The following GPR149 variants were observed in gnomAD, a reference collection of about 807,000 sequenced individuals.
GPR149 encodes the protein G protein-coupled receptor 149, also known as probable G protein-coupled receptor 149.
Under a neutral mutation model 50.2 loss-of-function variants are expected in GPR149, and 50 were observed. The observed-to-expected ratio is 1.00, with a 90% confidence interval of 0.79 to 1.26. The LOEUF (loss-of-function observed/expected upper bound fraction) is 1.26, where lower values mean the gene tolerates loss of function less well. Among genes scored for constraint, GPR149 ranks in the 50% most tolerant of loss-of-function variants. GPR149 has a pLI of 0.00. For missense variants in GPR149, 983 were observed against 895.4 expected (o/e 1.10, Z -1.25); for synonymous variants, 405 against 358.2 (o/e 1.13, Z -1.48).
intron 3 of GPR149, chr3:154,353,534 A>G (rs1400577810): frequency 7.6e-6 from 7 of 924,244 alleles, no homozygotes; most frequent in East Asian, 4.8e-5. Context: ...TGATATGACC[A>G]GGGGTTCCAA....
At chr3:154,396,615 A>T (rs1715299576) in intron 3 of GPR149, among the ~76,000 whole-genome samples, 1 of 152,032 alleles carries the variant, frequency 6.6e-6, no homozygotes, top group Non-Finnish European at 1.5e-5. Context: ...TCTAAATGTA[A>T]ACAAAATATG....
At chr3:154,402,935 T>C (rs1559986060) in intron 3 of GPR149, among the ~76,000 whole-genome samples, 1 of 142,502 alleles carries the variant, frequency 7.0e-6, no homozygotes, top group Non-Finnish European at 1.6e-5. Flanking sequence ...TTAAAGCATT[T>C]TGTAATTTCC....
intron 3 of GPR149, among the ~76,000 whole-genome samples, chr3:154,341,340 T>TAA (rs58741668): frequency 1.9e-5 from 2 of 106,040 alleles, no homozygotes; most frequent in African/African-American, 7.2e-5. Flanking sequence ...TATATATATA[T>TAA]AAAATGAGTA....
chr3:154,413,221 C>T (rs1014939685), intron 3 of GPR149, among the ~76,000 whole-genome samples: 1 of 151,990 alleles, frequency 6.6e-6, no homozygotes, highest in Non-Finnish European at 1.5e-5. Flanking sequence ...ATTGGCAAAA[C>T]CCTTCTAGAC....
At chr3:154,394,654 T>C (rs1179759196) in intron 3 of GPR149, among the ~76,000 whole-genome samples, 1 of 152,018 alleles carries the variant, frequency 6.6e-6, no homozygotes, top group Non-Finnish European at 1.5e-5. Context: ...AGATAAGAGG[T>C]TAATATCAGA....
chr3:154,401,883 C>T (rs951327492), intron 3 of GPR149, among the ~76,000 whole-genome samples: 1 of 152,072 alleles, frequency 6.6e-6, no homozygotes, highest in Admixed American at 6.6e-5. Context: ...TGCAAAAATA[C>T]TAAAGCAACA....
intron 3 of GPR149, among the ~76,000 whole-genome samples, chr3:154,385,327 C>A (rs1407964787): frequency 6.6e-6 from 1 of 152,108 alleles, no homozygotes; most frequent in Non-Finnish European, 1.5e-5. Context: ...TTTTTTGTAC[C>A]GGTTGTGAAC....
At chr3:154,400,184 C>T (rs1392667463) in intron 3 of GPR149, among the ~76,000 whole-genome samples, 1 of 151,976 alleles carries the variant, frequency 6.6e-6, no homozygotes, top group Non-Finnish European at 1.5e-5. Context: ...GACGGGGTTT[C>T]ACCGTGTTAG....
At position 154,430,122 on chromosome 3, in the gene GPR149, G is replaced by GGA. The variant is rs1176906149; in HGVS notation, c.-509_-508dup. On this transcript the variant is annotated 5_prime_UTR_variant, in exon 1 of 4. Coordinates refer to ENST00000389740, the MANE Select transcript of GPR149 (RefSeq NM_001038705.3). Reference sequence around the variant, plus strand: ...TCAGGTAGGTTTCAGCTTTGAAGGTGGAGAGAGAGAGAGAGACAGAGAGAG... The same window carrying GGA: ...TCAGGTAGGTTTCAGCTTTGAAGGTGGAGAGAGAGAGAGAGAGACAGAGAGAG... Among the ~76,000 whole-genome samples the GGA allele has an allele frequency of 1.0e-4, 15 of 144,858 alleles. No individual in the cohort carries two copies. The highest frequency in any genetic ancestry group is 2.2e-4 in the South Asian group (1 of 4,574).
chr3:154,339,982 C>T (rs6773993), intron 3 of GPR149, among the ~76,000 whole-genome samples: 35,159 of 151,310 alleles, frequency 0.23, 4,506 homozygotes, highest in South Asian at 0.33. Context: ...TTATTAGAGA[C>T]GGGGTTTCAC....
intron 3 of GPR149, among the ~76,000 whole-genome samples, chr3:154,375,010 C>A (rs1343821829): frequency 6.6e-6 from 1 of 152,122 alleles, no homozygotes; most frequent in African/African-American, 2.4e-5. Context: ...GAGGTTTGTT[C>A]CTGAAAATTC....
chr3:154,345,664 C>T (rs558499331), intron 3 of GPR149, among the ~76,000 whole-genome samples: 2 of 152,280 alleles, frequency 1.3e-5, no homozygotes, highest in East Asian at 1.9e-4. Context: ...TGACCTTCGG[C>T]ACATTGAATG....
In GPR149 at chr3:154,352,764, A is replaced by G. The variant is rs1714112117; in HGVS notation, c.1624-14493T>C. The stretch of plus-strand genomic sequence containing the variant: ...GAAACCTGATGGTATCCATGCTTTT[A>G]GATTTAACTAAATCCATTGTAGAAG... On this transcript the variant is annotated intron_variant, in intron 3 of 3. Coordinates refer to ENST00000389740, the MANE Select transcript of GPR149 (RefSeq NM_001038705.3). 9.0e-5 allele frequency: 72 copies of G among 798,316 alleles called. No individual in the cohort carries two copies. The South Asian group carries it at 9.2e-4, about 10-fold the overall frequency. The allele number at this position is 798,316 out of a possible 1,614,324, so 49.5% of individuals were successfully genotyped here. A position where few individuals can be genotyped will look rare whatever the true frequency, so the allele number is the denominator to read the frequency against.
intron 3 of GPR149, chr3:154,352,042 A>G: frequency 2.5e-6 from 1 of 398,678 alleles, no homozygotes; most frequent in Non-Finnish European, 4.4e-6. Flanking sequence ...TAGCAGACAC[A>G]TACCTCAACT....
chr3:154,426,979 C>A (rs1353283253), intron 2 of GPR149, among the ~76,000 whole-genome samples: 1 of 151,808 alleles, frequency 6.6e-6, no homozygotes, highest in Non-Finnish European at 1.5e-5. Context: ...TGATTCCTTA[C>A]TCTGAAAACT....
At chr3:154,347,832 C>T (rs779994053) in intron 3 of GPR149, among the ~76,000 whole-genome samples, 1 of 151,900 alleles carries the variant, frequency 6.6e-6, no homozygotes, top group Non-Finnish European at 1.5e-5. Flanking sequence ...TAAAATCATA[C>T]GTGGAAAGAA....
Position 154,392,754 on chromosome 3 carries a change from G to T in GPR149, c.1623+28285C>A, listed in dbSNP as rs192922564. On this transcript the variant is annotated intron_variant, in intron 3 of 3. Coordinates refer to ENST00000389740, the MANE Select transcript of GPR149 (RefSeq NM_001038705.3). ...AAATAAAACAGGAGACATTACAACT[G>T]ATGGAACCAAACTATTAATAAAAAG... is the stretch of plus-strand genomic sequence containing the variant. Among the ~76,000 whole-genome samples the T allele has an allele frequency of 2.0e-3, 302 of 151,782 alleles. 1 individual carries two copies. The highest frequency in any genetic ancestry group is 7.0e-3 in the African/African-American group (290 of 41,474).
chr3:154,360,062 C>T (rs1055326984), intron 3 of GPR149, among the ~76,000 whole-genome samples: 1 of 152,124 alleles, frequency 6.6e-6, no homozygotes, highest in African/African-American at 2.4e-5. Flanking sequence ...AAGATTCATC[C>T]ACTTCTGTAA....
At chr3:154,358,375 A>G (rs1033898395) in intron 3 of GPR149, among the ~76,000 whole-genome samples, 1 of 152,188 alleles carries the variant, frequency 6.6e-6, no homozygotes, top group Admixed American at 6.5e-5. Flanking sequence ...CCAACATTCT[A>G]TGGCTATTTT....
Sources: allele counts gnomAD v4.1 joint callset (sites outside exome capture counted in the v4.1 genomes callset), GRCh38; gene constraint gnomAD v4.1.1; transcripts MANE v1.5; gene names NCBI Gene and HGNC (gene_info 2026-07-23, HGNC 2026-07-21).